Variants in CPAP observed in about 807,000 individuals in gnomAD.
CPAP encodes centrosomal P4.1-associated protein.
chr13:24,897,338 T>C, the CPAP span, among the ~76,000 whole-genome samples: 1 of 152,220 alleles, frequency 6.6e-6, no homozygotes, highest in African/African-American at 2.4e-5. Flanking sequence ...AAAATTCACT[T>C]GTAGGAATCC....
chr13:24,916,690 G>A, the CPAP span, among the ~76,000 whole-genome samples: 2,514 of 152,330 alleles, frequency 0.017, 63 homozygotes, highest in East Asian at 0.081. Context: ...TCAGCCAACT[G>A]TAAATGCAGA....
chr13:24,893,700 T>A, the CPAP span, among the ~76,000 whole-genome samples: 49 of 152,350 alleles, frequency 3.2e-4, no homozygotes, highest in African/African-American at 1.1e-3. Flanking sequence ...TGAGACGGAT[T>A]ATGACCAATA....
At chr13:24,884,058 T>C in the CPAP span, 1 of 1,613,756 alleles carries the variant, frequency 6.2e-7, no homozygotes, top group Non-Finnish European at 8.5e-7. Context: ...ACGTGATTTC[T>C]TTTCTTCCAT....
the CPAP span, chr13:24,883,409 A>AAT: frequency 6.9e-7 from 1 of 1,439,340 alleles, no homozygotes. Context: ...TAAAAAAAAA[A>AAT]TAATAGAAAA....
At chr13:24,905,745 T>C in the CPAP span, 1 of 1,614,204 alleles carries the variant, frequency 6.2e-7, no homozygotes, top group Non-Finnish European at 8.5e-7. Flanking sequence ...GACTCATCGC[T>C]ACTGTAATCT....
chr13:24,917,440 T>A, the CPAP span, among the ~76,000 whole-genome samples: 1 of 152,244 alleles, frequency 6.6e-6, no homozygotes, highest in African/African-American at 2.4e-5. Flanking sequence ...AACACTTTTA[T>A]TCTCTCGGTA....
chr13:24,887,038 CTG>C, the CPAP span, among the ~76,000 whole-genome samples: 4 of 152,030 alleles, frequency 2.6e-5, no homozygotes, highest in Non-Finnish European at 5.9e-5. Flanking sequence ...AACAGGAAAA[CTG>C]GGGACAGTGG....
At chr13:24,906,828 G>A in the CPAP span, 1 of 1,614,166 alleles carries the variant, frequency 6.2e-7, no homozygotes, top group South Asian at 1.1e-5. Context: ...GAAGTGCTCT[G>A]GTTAGTCACT....
At chr13:24,920,518 T>A in the CPAP span, among the ~76,000 whole-genome samples, 1 of 152,148 alleles carries the variant, frequency 6.6e-6, no homozygotes, top group Non-Finnish European at 1.5e-5. Context: ...TATCACACTT[T>A]GAGAACCACA....
the CPAP span, among the ~76,000 whole-genome samples, chr13:24,912,236 C>T: frequency 0.14 from 20,618 of 152,076 alleles, 1,587 homozygotes; most frequent in East Asian, 0.32. Flanking sequence ...AAACTCATAT[C>T]CTTACGAAGG....
At chr13:24,900,446 T>C in the CPAP span, among the ~76,000 whole-genome samples, 2 of 152,098 alleles carry the variant, frequency 1.3e-5, no homozygotes, top group South Asian at 4.2e-4. Flanking sequence ...GTCAGGAGTT[T>C]GAGACCAGCC....
the CPAP span, chr13:24,907,241 A>AATATTCACACAT: frequency 6.9e-7 from 1 of 1,456,934 alleles, no homozygotes; most frequent in Non-Finnish European, 9.6e-7. Flanking sequence ...TAATGTGTGA[A>AATATTCACACAT]TATTTTACAC....
At chr13:24,892,280 G>A in the CPAP span, among the ~76,000 whole-genome samples, 15 of 152,168 alleles carry the variant, frequency 9.9e-5, no homozygotes, top group Non-Finnish European at 2.1e-4. Context: ...TGCCTACTGT[G>A]GCAAACCTCC....
At chr13:24,901,587 G>A in the CPAP span, among the ~76,000 whole-genome samples, 1 of 152,352 alleles carries the variant, frequency 6.6e-6, no homozygotes, top group African/African-American at 2.4e-5. Context: ...TTCTAAACAA[G>A]CTAAATTTCC....
the CPAP span, among the ~76,000 whole-genome samples, chr13:24,893,420 C>T: frequency 3.3e-5 from 5 of 152,236 alleles, no homozygotes; most frequent in Non-Finnish European, 5.9e-5. Flanking sequence ...CAAGTGATAG[C>T]GACTGACCTA....
the CPAP span, among the ~76,000 whole-genome samples, chr13:24,890,460 C>G: frequency 6.6e-6 from 1 of 152,194 alleles, no homozygotes; most frequent in Non-Finnish European, 1.5e-5. Context: ...TTGCCATGTC[C>G]TGAAAGCCTC....
the CPAP span, among the ~76,000 whole-genome samples, chr13:24,929,508 G>C: frequency 0.18 from 28,036 of 152,162 alleles, 2,778 homozygotes; most frequent in South Asian, 0.34. Context: ...AAGGTCCTTT[G>C]TATGTACTGA....
chr13:24,887,403 C>A, the CPAP span, among the ~76,000 whole-genome samples: 1 of 152,204 alleles, frequency 6.6e-6, no homozygotes, highest in Non-Finnish European at 1.5e-5. Flanking sequence ...TACAGCAGCT[C>A]CCCATCACTC....
At chr13:24,906,102 C>T in the CPAP span, 1 of 1,612,740 alleles carries the variant, frequency 6.2e-7, no homozygotes. Context: ...CTCTCCTTCT[C>T]ACGTGCAGTG....
Sources: gnomAD v4.1 joint callset for allele counts (sites outside exome capture counted in the v4.1 genomes callset) on GRCh38, gnomAD v4.1.1 for gene constraint, MANE v1.5 for transcripts, NCBI Gene and HGNC (gene_info 2026-07-23, HGNC 2026-07-21) for gene names.